DLEU7: variants seen among roughly 807,000 people sequenced by gnomAD.
DLEU7 encodes leukemia-associated protein 7.
Under a neutral mutation model 16.0 loss-of-function variants are expected in DLEU7, and 17 were observed. The ratio of observed to expected loss-of-function variants is 1.06; its 90% CI spans 0.73 to 1.59. The LOEUF (loss-of-function observed/expected upper bound fraction) is 1.59. Ranked by LOEUF, DLEU7 falls within the 40% of genes most tolerant of loss-of-function variation. The pLI is 0.00. For synonymous variants in DLEU7, 113 were observed against 139.8 expected, an observed-to-expected ratio of 0.81 and a Z score of 1.35; for missense variants, 308 against 314.9, an observed-to-expected ratio of 0.98 and a Z score of 0.17.
intron 1 of DLEU7, among the ~76,000 whole-genome samples, chr13:50,837,689 C>A (rs986980005): frequency 6.6e-6 from 1 of 152,188 alleles, no homozygotes; most frequent in Non-Finnish European, 1.5e-5. Flanking sequence ...TTTGCAGAAG[C>A]TGGCTTCACT....
intron 1 of DLEU7, among the ~76,000 whole-genome samples, chr13:50,765,007 A>C (rs1441790308): frequency 6.6e-6 from 1 of 151,990 alleles, no homozygotes. Context: ...CACAGCCTCC[A>C]AAGTAGCTGG....
chr13:50,817,272 C>G (rs936556479), intron 1 of DLEU7, among the ~76,000 whole-genome samples: 11 of 152,268 alleles, frequency 7.2e-5, no homozygotes, highest in African/African-American at 2.6e-4. Flanking sequence ...CAGATATGAA[C>G]TTGTCTGCAA....
intron 1 of DLEU7, among the ~76,000 whole-genome samples, chr13:50,722,026 G>A (rs567133636): frequency 6.6e-6 from 1 of 152,224 alleles, no homozygotes; most frequent in East Asian, 1.9e-4. Flanking sequence ...TTCCTTCACA[G>A]AGAAAGGTGA....
intron 1 of DLEU7, among the ~76,000 whole-genome samples, chr13:50,768,914 G>A (rs555122628): frequency 1.1e-4 from 17 of 152,252 alleles, no homozygotes; most frequent in South Asian, 1.0e-3. Context: ...GTGTAGAAGC[G>A]TTCCTATTTC....
At chr13:50,742,681 G>A (rs908432310) in intron 1 of DLEU7, among the ~76,000 whole-genome samples, 4 of 152,166 alleles carry the variant, frequency 2.6e-5, no homozygotes, top group Admixed American at 6.5e-5. Flanking sequence ...CATTGTTCTG[G>A]TAGCAGGGGC....
At chr13:50,739,569 T>G (rs1874194112) in intron 1 of DLEU7, among the ~76,000 whole-genome samples, 1 of 152,190 alleles carries the variant, frequency 6.6e-6, no homozygotes, top group African/African-American at 2.4e-5. Flanking sequence ...TTTCTGAGAC[T>G]GATTTTTTAA....
intron 1 of DLEU7, among the ~76,000 whole-genome samples, chr13:50,753,518 G>A (rs994923823): frequency 6.6e-6 from 1 of 152,218 alleles, no homozygotes; most frequent in African/African-American, 2.4e-5. Context: ...TCTGCTGGGG[G>A]ACCCAGTACA....
At chr13:50,771,894 A>G (rs1393891817) in intron 1 of DLEU7, among the ~76,000 whole-genome samples, 1 of 152,090 alleles carries the variant, frequency 6.6e-6, no homozygotes, top group Non-Finnish European at 1.5e-5. Context: ...ATTGTGTGGG[A>G]GTCTAAGTCT....
rs574675890 is a variant in DLEU7 at position 50,759,734 on chromosome 13, G to A, written c.460-46494C>T. Among the ~76,000 whole-genome samples, 11 of 152,258 alleles carry A rather than the reference G, an allele frequency of 7.2e-5. No homozygotes were observed. The East Asian group carries it at 7.7e-4, about 11-fold the overall frequency. ...AGTGACCCAGTGGAAGAAGTGACCC[G>A]TGAGGGAAATATTGGACCTATTTTA... On this transcript the variant is annotated intron_variant, in intron 1 of 1. Coordinates refer to the DLEU7 transcript ENST00000400393.
chr13:50,725,192 G>A (rs1873734246), intron 1 of DLEU7, among the ~76,000 whole-genome samples: 1 of 152,106 alleles, frequency 6.6e-6, no homozygotes, highest in African/African-American at 2.4e-5. Context: ...GCAAAAGAAA[G>A]CCCACTGACC....
chr13:50,797,773 C>G (rs941408421), intron 1 of DLEU7, among the ~76,000 whole-genome samples: 2 of 145,028 alleles, frequency 1.4e-5, no homozygotes, highest in Non-Finnish European at 3.0e-5. Context: ...CATATTTTAT[C>G]TTGCCTAAAA....
At chr13:50,776,638 C>A (rs1875505043) in intron 1 of DLEU7, among the ~76,000 whole-genome samples, 2 of 152,128 alleles carry the variant, frequency 1.3e-5, no homozygotes, top group Non-Finnish European at 2.9e-5. Context: ...CAGGAAACTA[C>A]CTCACCCCCA....
intron 1 of DLEU7, among the ~76,000 whole-genome samples, chr13:50,751,553 C>T (rs184185950): frequency 5.3e-5 from 8 of 152,216 alleles, no homozygotes; most frequent in Admixed American, 3.9e-4. Context: ...GCTATGAATC[C>T]GCCTGGTCCT....
chr13:50,815,121 C>G (rs1876691899), intron 1 of DLEU7, among the ~76,000 whole-genome samples: 1 of 152,078 alleles, frequency 6.6e-6, no homozygotes, highest in African/African-American at 2.4e-5. Flanking sequence ...CTAAGAGTCT[C>G]CCTCTTTTTC....
At position 50,726,438 on chromosome 13, in the gene DLEU7, G is replaced by T. The variant is rs1388604456; in HGVS notation, c.460-13198C>A. On this transcript the variant is annotated intron_variant, in intron 1 of 1. Transcript: ENST00000400393. This position sits in a 1 kb window ranked among gnomAD's most constrained non-coding sequence, Gnocchi z 4.0. ...CGCCTCCTCCTTTCACGGAACACAG[G>T]CTTCCATTTAACCAGAAATACATGT... 6.6e-6 allele frequency among the ~76,000 whole-genome samples: 1 copy of T among 152,086 alleles called. No homozygotes were observed. Among genetic ancestry groups the T allele is most frequent in the Non-Finnish European group, 1.5e-5 (1 of 68,028 alleles).
At chr13:50,791,479 CAT>C (rs991294410) in intron 1 of DLEU7, among the ~76,000 whole-genome samples, 26 of 152,108 alleles carry the variant, frequency 1.7e-4, no homozygotes, top group African/African-American at 5.3e-4. Context: ...AGACTGGACA[CAT>C]GTGTATGTGT....
intron 1 of DLEU7, among the ~76,000 whole-genome samples, chr13:50,837,247 A>C (rs941648538): frequency 6.6e-6 from 1 of 152,194 alleles, no homozygotes; most frequent in African/African-American, 2.4e-5. Flanking sequence ...AGTGAAAAGC[A>C]CTTTTGTGAT....
At chr13:50,735,831 T>G (rs1267301822) in intron 1 of DLEU7, among the ~76,000 whole-genome samples, 1 of 152,088 alleles carries the variant, frequency 6.6e-6, no homozygotes, top group Non-Finnish European at 1.5e-5. Context: ...GTCGGCATGA[T>G]TATTACTAAA....
chr13:50,751,877 G>T (rs1237075080), intron 1 of DLEU7, among the ~76,000 whole-genome samples: 1 of 151,072 alleles, frequency 6.6e-6, no homozygotes, highest in Non-Finnish European at 1.5e-5. Flanking sequence ...TCTTTTCAAA[G>T]AACCAGCTTT....
Sources: allele counts gnomAD v4.1 joint callset (sites outside exome capture counted in the v4.1 genomes callset), GRCh38; gene constraint gnomAD v4.1.1; non-coding constraint Gnocchi (gnomAD v3.1); transcripts MANE v1.5; gene names NCBI Gene and HGNC (gene_info 2026-07-23, HGNC 2026-07-21).